The following PTRH1 variants were observed in gnomAD, a reference collection of about 807,000 sequenced individuals.
PTRH1 encodes the protein peptidyl-tRNA hydrolase 1 homolog.
PTRH1 carries 13 observed loss-of-function variants against 15.7 expected under a neutral mutation model. The observed-to-expected ratio is 0.83, with a 90% CI of 0.54 to 1.31. The LOEUF is 1.31. Ranked by LOEUF, PTRH1 falls within the 40% of genes most tolerant of loss-of-function variation. PTRH1 has a pLI of 0.00. For missense variants in PTRH1, 319 were observed against 296.2 expected (o/e 1.08, Z -0.56); for synonymous variants, 139 against 136.7 (o/e 1.02, Z -0.12).
downstream of PTRH1, among the ~76,000 whole-genome samples, chr9:127,709,238 G>A (rs1005355699): frequency 6.6e-6 from 1 of 152,230 alleles, no homozygotes; most frequent in Non-Finnish European, 1.5e-5. This position sits in a 1 kb window ranked among gnomAD's most constrained non-coding sequence, Gnocchi z 4.7. Flanking sequence ...GCTAAGCACA[G>A]GCATTGGCTG....
intron 1 of PTRH1, among the ~76,000 whole-genome samples, chr9:127,696,558 C>T (rs1477693225): frequency 1.3e-5 from 2 of 152,110 alleles, no homozygotes; most frequent in Admixed American, 6.6e-5. Flanking sequence ...GAGCCCTCCA[C>T]TATCAGAAAA....
intron 1 of PTRH1, chr9:127,707,149 T>A: frequency 2.7e-6 from 4 of 1,487,244 alleles, no homozygotes; most frequent in Non-Finnish European, 3.7e-6. Flanking sequence ...GATGAAGGAG[T>A]TCTACCACAT....
downstream of PTRH1, chr9:127,713,381 A>C: frequency 1.9e-6 from 1 of 532,756 alleles, no homozygotes; most frequent in South Asian, 3.3e-5. Context: ...GGGCCAAAGC[A>C]TGCCCACACA....
chr9:127,714,538 C>T, intron 3 of PTRH1, 65 bp downstream of exon 3: 3 of 1,590,422 alleles, frequency 1.9e-6, no homozygotes, highest in Non-Finnish European at 1.7e-6. Context: ...GGGTCAGCAG[C>T]CCTACTCCAC....
At position 127,715,067 on chromosome 9, in the gene PTRH1, TCGG is replaced by T. The variant is rs754617941; in HGVS notation, c.221_223del (p.Ala74del). On this transcript the variant is annotated inframe_deletion, in exon 2 of 5. Transcript: ENST00000543175. The surrounding 1 kb of genome is among the most constrained non-coding windows in gnomAD (Gnocchi z 5.8). ...ATCCCCCAGCGGGGCCAGGGCGAGG[TCGG>T]CGGCACAGTGCCGGTCGCGCGTCCA... 6.5e-6 allele frequency: 10 copies of T among 1,526,892 alleles called. No individual in the cohort carries two copies. The South Asian group carries it at 1.1e-4, about 17-fold the overall frequency. 94.6% of individuals were successfully genotyped at this position (1,526,892 alleles called of 1,614,324 possible).
At chr9:127,695,531 T>C (rs1425347080) in intron 1 of PTRH1, 3 of 181,860 alleles carry the variant, frequency 1.6e-5, no homozygotes, top group African/African-American at 7.1e-5. Flanking sequence ...CTAAGCGCAG[T>C]TTTCTTGTGA....
chr9:127,713,218 AG>A (rs1484006768), downstream of PTRH1: 17 of 1,515,180 alleles, frequency 1.1e-5, no homozygotes, highest in Non-Finnish European at 1.5e-5. Context: ...TGAGGGTGCC[AG>A]GGGCCCCAGG....
downstream of PTRH1, among the ~76,000 whole-genome samples, chr9:127,709,909 C>G (rs1245967609): frequency 6.6e-6 from 1 of 152,176 alleles, no homozygotes; most frequent in African/African-American, 2.4e-5. The surrounding 1 kb of genome is among the most constrained non-coding windows in gnomAD (Gnocchi z 4.7). Flanking sequence ...GACCAAGGTC[C>G]CCCAGTTGGC....
intron 1 of PTRH1, among the ~76,000 whole-genome samples, chr9:127,700,149 C>T (rs1411124528): frequency 6.6e-6 from 1 of 152,192 alleles, no homozygotes; most frequent in Admixed American, 6.5e-5. Context: ...TCAAATACTG[C>T]ACTGCTCCTT....
downstream of PTRH1, chr9:127,712,209 G>A (rs772826051): frequency 6.2e-7 from 1 of 1,613,926 alleles, no homozygotes; most frequent in East Asian, 2.2e-5. Context: ...GAGCCAGAGA[G>A]ACCAGCTGAG....
At chr9:127,711,440 G>C (rs1232258212), downstream of PTRH1, 1 of 1,614,092 alleles carries the variant, frequency 6.2e-7, no homozygotes, top group Non-Finnish European at 8.5e-7. Context: ...CAAACAGCTG[G>C]AGCTGCTGGA....
chr9:127,711,646 G>A (rs1588393353), downstream of PTRH1: 2 of 1,178,004 alleles, frequency 1.7e-6, no homozygotes, highest in East Asian at 5.1e-5. Flanking sequence ...GCTGCAGGGT[G>A]CTGGGCCTAG....
chr9:127,707,580 G>A (rs1254744587), intron 1 of PTRH1, among the ~76,000 whole-genome samples: 1 of 152,130 alleles, frequency 6.6e-6, no homozygotes, highest in Non-Finnish European at 1.5e-5. Flanking sequence ...AGTGGCACCT[G>A]TGCCCCACTG....
chr9:127,710,761 A>G (rs2045934908), downstream of PTRH1: 2 of 1,560,334 alleles, frequency 1.3e-6, no homozygotes, highest in Non-Finnish European at 1.7e-6. Context: ...ACAGGTGGGC[A>G]AGCGGGGCAC....
downstream of PTRH1, chr9:127,711,429 G>A (rs1245052648): frequency 1.9e-6 from 3 of 1,614,026 alleles, no homozygotes; most frequent in Non-Finnish European, 2.5e-6. Context: ...AACAATCTGT[G>A]CAAACAGCTG....
At chr9:127,709,914 G>C (rs1252706426), downstream of PTRH1, among the ~76,000 whole-genome samples, 1 of 152,216 alleles carries the variant, frequency 6.6e-6, no homozygotes, top group African/African-American at 2.4e-5. The surrounding 1 kb of genome is among the most constrained non-coding windows in gnomAD (Gnocchi z 4.7). Context: ...AGGTCCCCCA[G>C]TTGGCAAGGG....
chr9:127,695,393 G>T (rs976905099), intron 1 of PTRH1: 8 of 475,502 alleles, frequency 1.7e-5, no homozygotes, highest in African/African-American at 1.4e-4. Context: ...AAAGAGTGAG[G>T]GTCGTGATCA....
downstream of PTRH1, among the ~76,000 whole-genome samples, chr9:127,710,300 C>A (rs58494572): frequency 0.053 from 7,270 of 136,682 alleles, 430 homozygotes; most frequent in African/African-American, 0.14. Flanking sequence ...AAAAAAAAAA[C>A]AAAACAGTTG....
chr9:127,695,845 T>C (rs570619811), intron 1 of PTRH1: 1 of 152,344 alleles, frequency 6.6e-6, no homozygotes, highest in East Asian at 1.9e-4. Context: ...ATATTGCTTA[T>C]TTGGATACAT....
Sources: gnomAD v4.1 joint callset for allele counts (sites outside exome capture counted in the v4.1 genomes callset) on GRCh38, gnomAD v4.1.1 for gene constraint, Gnocchi (gnomAD v3.1) non-coding constraint, MANE v1.5 for transcripts, NCBI Gene and HGNC (gene_info 2026-07-23, HGNC 2026-07-21) for gene names.